CCDC57: variants seen among roughly 807,000 people sequenced by gnomAD.
CCDC57 encodes the protein coiled-coil domain-containing protein 57.
CCDC57 carries 118 observed loss-of-function variants against 118.9 expected under a neutral mutation model. The ratio of observed to expected loss-of-function variants is 0.99; its 90% confidence interval spans 0.86 to 1.16. The LOEUF (loss-of-function observed/expected upper bound fraction) is 1.16. Among genes scored for constraint, CCDC57 ranks in the 50% most tolerant of loss-of-function variants. CCDC57 has a pLI of 0.00. For missense variants in CCDC57, 1,300 were observed against 1,320.7 expected (o/e 0.98, Z 0.24); for synonymous variants, 527 against 532.9 (o/e 0.99, Z 0.15).
intron 2 of CCDC57, among the ~76,000 whole-genome samples, chr17:82,206,137 AC>A (rs2049606044): frequency 6.6e-6 from 1 of 152,098 alleles, no homozygotes; most frequent in Non-Finnish European, 1.5e-5. Context: ...CTGTGCGTTC[AC>A]CCTCTTTCAG....
chr17:82,189,021 C>T (rs1158353772), intron 7 of CCDC57, among the ~76,000 whole-genome samples: 1 of 152,194 alleles, frequency 6.6e-6, no homozygotes, highest in Non-Finnish European at 1.5e-5. Flanking sequence ...AACCGAAGCA[C>T]TTTAGGAGGC....
rs1326118205 is a variant in CCDC57 at position 82,198,960 on chromosome 17, T to A, written c.408-538A>T. On this transcript the variant is annotated intron_variant, in intron 3 of 19. Transcript: ENST00000665763. ...GTGAGCTGAGATCGTGCCACTGCAC[T>A]CCAGCCTGGGCGACAGAGCGAGACT... 2.3e-5 allele frequency among the ~76,000 whole-genome samples: 3 copies of A among 131,472 alleles called. No homozygotes were observed. The East Asian group carries it at 6.7e-4, about 29-fold the overall frequency. 86.3% of individuals were successfully genotyped at this position (131,472 alleles called of 152,430 possible). A position where few individuals can be genotyped will look rare whatever the true frequency, so the allele number is the denominator to read the frequency against.
At chr17:82,169,729 G>C (rs2044444410) in intron 13 of CCDC57, among the ~76,000 whole-genome samples, 1 of 152,184 alleles carries the variant, frequency 6.6e-6, no homozygotes, top group African/African-American at 2.4e-5. Flanking sequence ...AGTGATAATG[G>C]GCGAGCCAGG....
At chr17:82,170,238 G>A (rs927918357) in intron 13 of CCDC57, among the ~76,000 whole-genome samples, 10 of 152,068 alleles carry the variant, frequency 6.6e-5, no homozygotes, top group African/African-American at 2.4e-4. Context: ...AGTCGGGCGC[G>A]GTGTCTCACG....
Position 82,118,402 on chromosome 17 carries a change from C to T in CCDC57, c.2899+9290G>A, listed in dbSNP as rs971796868. ...TGAAACCTGATGTGTTATTCATTAG[C>T]GCAGGATGCCCCACGCATCCGGAGA... On this transcript the variant is annotated intron_variant, in intron 19 of 19. Coordinates refer to ENST00000665763, the Ensembl canonical transcript of CCDC57. This position sits in a 1 kb window ranked among gnomAD's most constrained non-coding sequence, Gnocchi z 4.7. Among the ~76,000 whole-genome samples the T allele has an allele frequency of 2.1e-4, 32 of 152,182 alleles. No individual in the cohort carries two copies. The highest frequency in any genetic ancestry group is 4.1e-4 in the Non-Finnish European group (28 of 68,046).
At chr17:82,195,021 T>C (rs983992367) in intron 5 of CCDC57, among the ~76,000 whole-genome samples, 1 of 152,236 alleles carries the variant, frequency 6.6e-6, no homozygotes, top group Admixed American at 6.5e-5. Context: ...TGTGACCAAA[T>C]CACACAGCAG....
chr17:82,202,035 T>C, intron 2 of CCDC57, 83 bp from the exon 2 acceptor site: 1 of 1,350,304 alleles, frequency 7.4e-7, no homozygotes, highest in South Asian at 1.5e-5. Flanking sequence ...ACATTCCCTA[T>C]CAACAGTTAC....
rs549009020 is a variant in CCDC57 at position 82,150,700 on chromosome 17, C to T, written c.2455+860G>A. ...ACCCGCACCTAGAACCAGGCACACA[C>T]TCAGAACCAGGCGCACACCTAGAAC... On this transcript the variant is annotated intron_variant, in intron 16 of 19. Transcript: ENST00000665763. Among the ~76,000 whole-genome samples, 6 of 71,618 alleles carry T rather than the reference C, an allele frequency of 8.4e-5. 2 individuals carry two copies. The highest frequency in any genetic ancestry group is 1.1e-4 in the African/African-American group (2 of 18,228). 47.0% of individuals were successfully genotyped at this position (71,618 alleles called of 152,430 possible). A position where few individuals can be genotyped will look rare whatever the true frequency, so the allele number is the denominator to read the frequency against.
intron 1 of CCDC57, among the ~76,000 whole-genome samples, chr17:82,210,381 AC>A (rs1454609266): frequency 6.6e-6 from 1 of 152,060 alleles, no homozygotes; most frequent in Non-Finnish European, 1.5e-5. Flanking sequence ...ATGGTTAGAA[AC>A]AAGATCTTGC....
Position 82,192,159 on chromosome 17 carries a change from A to G in CCDC57, c.851+1597T>C, listed in dbSNP as rs1372235016. 5.3e-5 allele frequency among the ~76,000 whole-genome samples: 8 copies of G among 151,722 alleles called. No homozygotes were observed. Among genetic ancestry groups the G allele is most frequent in the Non-Finnish European group, 1.2e-4 (8 of 67,960 alleles). ...CACCACCACGCCCGGCTAATTTTGTATTTTTCGTAGAGACGGGGTTTCACC... is the reference window on the plus strand; with the variant it reads ...CACCACCACGCCCGGCTAATTTTGTGTTTTTCGTAGAGACGGGGTTTCACC... On this transcript the variant is annotated intron_variant, in intron 7 of 19. Transcript: ENST00000665763. The surrounding 1 kb of genome is among the most constrained non-coding windows in gnomAD (Gnocchi z 4.0).
chr17:82,181,574 T>A, intron 9 of CCDC57, among the ~76,000 whole-genome samples: 1 of 151,878 alleles, frequency 6.6e-6, no homozygotes, highest in East Asian at 1.9e-4. Flanking sequence ...GGCAAGGAAG[T>A]AGAAAAAAAT....
exon 20 of CCDC57, chr17:82,101,542 G>C (rs2034454203): frequency 1.4e-6 from 1 of 718,116 alleles, no homozygotes; most frequent in Non-Finnish European, 2.2e-6. Context: ...CGCCTCAGCA[G>C]CATTTGGGAG....
chr17:82,146,030 C>A (rs932650543), intron 16 of CCDC57, among the ~76,000 whole-genome samples: 1 of 152,224 alleles, frequency 6.6e-6, no homozygotes, highest in Non-Finnish European at 1.5e-5. Context: ...TTGCTCCCTG[C>A]GGGATGCGGC....
chr17:82,138,455 G>A (rs2039560281), intron 16 of CCDC57, among the ~76,000 whole-genome samples: 1 of 152,056 alleles, frequency 6.6e-6, no homozygotes, highest in Non-Finnish European at 1.5e-5. Flanking sequence ...GCTGAGACGG[G>A]AGGATCTCTT....
rs372599549 is a variant in CCDC57 at position 82,198,761 on chromosome 17, T to C, written c.408-339A>G. Reference sequence around the variant, plus strand: ...ATCCCAGCACTTTGGGAGGCCGAGGTGGGCGGATCACAAGGTCAGGAGATC... The same window carrying C: ...ATCCCAGCACTTTGGGAGGCCGAGGCGGGCGGATCACAAGGTCAGGAGATC... On this transcript the variant is annotated intron_variant, in intron 3 of 19. Transcript: ENST00000665763. Among the ~76,000 whole-genome samples, 24 of 149,378 alleles carry C rather than the reference T, an allele frequency of 1.6e-4. No individual in the cohort carries two copies. In the East Asian group the frequency reaches 3.4e-3, roughly 21 times the overall value.
intron 13 of CCDC57, among the ~76,000 whole-genome samples, chr17:82,169,625 C>G (rs140233992): frequency 6.6e-6 from 1 of 152,104 alleles, no homozygotes; most frequent in South Asian, 2.1e-4. Context: ...GGGGAGGCAT[C>G]CAGGCAGGAG....
chr17:82,121,865 G>A (rs1415725421), intron 19 of CCDC57, among the ~76,000 whole-genome samples: 3 of 152,180 alleles, frequency 2.0e-5, no homozygotes, highest in African/African-American at 7.2e-5. Flanking sequence ...GGAAGCTCTG[G>A]TTCACGTCAC....
Position 82,178,507 on chromosome 17 carries a change from C to G in CCDC57, c.1473G>C (p.Leu491=), listed in dbSNP as rs543380803. Residue 491 remains leucine (L), a synonymous_variant, in exon 11 of 20, where the codon CTG becomes CTC. Transcript: ENST00000665763. Reference sequence around the variant, plus strand: ...CTGGTCTGGGGAGCCCATGCATCCTCAGGGCCTGCACGGCCTGGTCTCGTT... The same window carrying G: ...CTGGTCTGGGGAGCCCATGCATCCTGAGGGCCTGCACGGCCTGGTCTCGTT... 28 of 1,613,800 alleles carry G rather than the reference C, an allele frequency of 1.7e-5. No individual in the cohort carries two copies. In the South Asian group the frequency reaches 2.9e-4, roughly 16 times the overall value.
In CCDC57 at chr17:82,118,538, G is replaced by A. The variant is rs528503259; in HGVS notation, c.2899+9154C>T. ...CTGTTGGGTGGCTGGTCCCTGTACC[G>A]GCTCCTGAAAGGACATTTGGGCACT... On this transcript the variant is annotated intron_variant, in intron 19 of 19. Coordinates refer to ENST00000665763, the Ensembl canonical transcript of CCDC57. This position sits in a 1 kb window ranked among gnomAD's most constrained non-coding sequence, Gnocchi z 4.7. Among the ~76,000 whole-genome samples, 13 of 152,220 alleles carry A rather than the reference G, an allele frequency of 8.5e-5. No homozygotes were observed. Among genetic ancestry groups the A allele is most frequent in the Admixed American group, 5.2e-4 (8 of 15,286 alleles).
Sources: gnomAD v4.1 joint callset for allele counts (sites outside exome capture counted in the v4.1 genomes callset) on GRCh38, gnomAD v4.1.1 for gene constraint, Gnocchi (gnomAD v3.1) non-coding constraint, MANE v1.5 for transcripts, NCBI Gene and HGNC (gene_info 2026-07-23, HGNC 2026-07-21) for gene names.